Variants in ZNF365 observed in about 807,000 individuals in gnomAD.
The protein encoded by ZNF365 is protein ZNF365.
In ZNF365, 22 loss-of-function variants were observed where a neutral mutation model predicts 35.0. That is an observed-to-expected ratio of 0.63 (90% CI 0.45 to 0.90). The LOEUF (loss-of-function observed/expected upper bound fraction) is 0.90. Among genes scored for constraint, ZNF365 ranks in the 40% least tolerant of loss-of-function variants. The pLI, the probability that ZNF365 is intolerant of heterozygous loss-of-function variation, is 0.00. For synonymous variants in ZNF365, 188 were observed against 196.2 expected (o/e 0.96, Z 0.35); for missense variants, 448 against 500.3 (o/e 0.90, Z 1.00).
chr10:62,414,574 G>A (rs1364078320), intron 3 of ZNF365, among the ~76,000 whole-genome samples: 2 of 152,004 alleles, frequency 1.3e-5, no homozygotes, highest in African/African-American at 2.4e-5. Flanking sequence ...TGTACTACCT[G>A]GTGGATCATC....
intron 3 of ZNF365, among the ~76,000 whole-genome samples, chr10:62,394,445 G>T (rs10821990): frequency 0.6 from 91,887 of 152,056 alleles, 30,121 homozygotes; most frequent in East Asian, 0.86. Context: ...TAGTCCTGAT[G>T]TAGCAACCTG....
chr10:62,426,215 G>A (rs1840248622), intron 3 of ZNF365, among the ~76,000 whole-genome samples: 1 of 151,958 alleles, frequency 6.6e-6, no homozygotes, highest in Admixed American at 6.6e-5. Context: ...TCATCTGGAT[G>A]ACTGAAATAA....
At chr10:62,468,189 C>T (rs1421184382) in intron 4 of ZNF365, among the ~76,000 whole-genome samples, 2 of 151,890 alleles carry the variant, frequency 1.3e-5, no homozygotes, top group Admixed American at 6.6e-5. Flanking sequence ...TAAAAAAGCA[C>T]AAAGAAAAAA....
downstream of ZNF365, among the ~76,000 whole-genome samples, chr10:62,406,110 C>G (rs1401674600): frequency 1.3e-5 from 2 of 152,116 alleles, no homozygotes; most frequent in Non-Finnish European, 2.9e-5. Context: ...ATTGAATTTG[C>G]CCCGCATGCC....
intron 3 of ZNF365, among the ~76,000 whole-genome samples, chr10:62,445,594 A>C (rs1275122974): frequency 6.6e-6 from 1 of 152,194 alleles, no homozygotes; most frequent in Non-Finnish European, 1.5e-5. Context: ...GCACTTTTCT[A>C]GAGTGAGGTT....
chr10:62,404,110 G>C (rs1167381717), downstream of ZNF365, among the ~76,000 whole-genome samples: 7 of 134,634 alleles, frequency 5.2e-5, no homozygotes. Flanking sequence ...TGGATCTTCA[G>C]CTATTATTCC....
chr10:62,440,172 T>TTTTATTTATTTATTTATTTATTTA (rs148188582), intron 3 of ZNF365, among the ~76,000 whole-genome samples: 51 of 150,742 alleles, frequency 3.4e-4, no homozygotes, highest in African/African-American at 1.0e-3. Context: ...GAATGCATAG[T>TTTTATTTATTTATTTATTTATTTA]TTTATTTATT....
intron 3 of ZNF365, among the ~76,000 whole-genome samples, chr10:62,420,621 C>A (rs540491218): frequency 6.6e-6 from 1 of 152,188 alleles, no homozygotes; most frequent in Admixed American, 6.5e-5. Context: ...CCTCTAAGTT[C>A]TTGGCCTGGA....
chr10:62,405,370 AG>A (rs935672895), downstream of ZNF365, among the ~76,000 whole-genome samples: 2 of 152,102 alleles, frequency 1.3e-5, no homozygotes. Flanking sequence ...TTGCAATGAG[AG>A]GGGGGCTTAT....
rs1009142913 is a variant in ZNF365, at chr10:62,401,705, G to A, written c.*1916G>A. On this transcript the variant is annotated 3_prime_UTR_variant, in exon 5 of 5. Coordinates refer to ENST00000395254, the MANE Select transcript of ZNF365 (RefSeq NM_014951.3). ...ATACTAAAAACATGACTTGTTAGTT[G>A]TATTGCATGCTCTTTGTCCTGTAAT... 10 of 985,458 alleles carry A rather than the reference G, an allele frequency of 1.0e-5. No homozygotes were observed. The highest frequency in any genetic ancestry group is 1.2e-5 in the Non-Finnish European group (10 of 829,900). The allele number at this position is 985,458 out of a possible 1,614,324, so 61.0% of individuals were successfully genotyped here.
Position 62,376,613 on chromosome 10 carries a change from T to C in ZNF365, c.420T>C (p.Asp140=), listed in dbSNP as rs1241019427. 1.2e-6 allele frequency: 2 copies of C among 1,614,168 alleles called. No individual in the cohort carries two copies. The highest frequency in any genetic ancestry group is 1.7e-6 in the Non-Finnish European group (2 of 1,180,034). ...TGGACCTCCATGCAGACTCGCTGGATGGGACACGGTCGGGTCCTGGACTGC... is the reference window on the plus strand; with the variant it reads ...TGGACCTCCATGCAGACTCGCTGGACGGGACACGGTCGGGTCCTGGACTGC... ...TAMDLHADSL[D]GTRSGPGLPT... The change falls in exon 2 of 5, where the codon GAT becomes GAC. Residue 140 remains aspartate, a synonymous_variant. Coordinates refer to ENST00000395254, the MANE Select transcript of ZNF365 (RefSeq NM_014951.3).
In ZNF365 at chr10:62,401,332, C is replaced by A; in HGVS notation, c.*1543C>A. 1.0e-6 allele frequency: 1 copy of A among 985,394 alleles called. No individual in the cohort carries two copies. Among genetic ancestry groups the A allele is most frequent in the South Asian group, 4.7e-5 (1 of 21,276 alleles). 61.0% of individuals were successfully genotyped at this position (985,394 alleles called of 1,614,324 possible). On this transcript the variant is annotated 3_prime_UTR_variant, in exon 5 of 5. Transcript: ENST00000395254. ...ATTGGCAGAATTATGATTGTTACTGCAATAAGCATCAAATTAGCAGCGCAT... is the reference window on the plus strand; with the variant it reads ...ATTGGCAGAATTATGATTGTTACTGAAATAAGCATCAAATTAGCAGCGCAT...
rs1029622905 is a variant in ZNF365 at position 62,401,156 on chromosome 10, C to A, written c.*1367C>A. The A allele has an allele frequency of 1.8e-5, 17 of 952,154 alleles. No homozygotes were observed. The highest frequency in any genetic ancestry group is 2.1e-5 in the Non-Finnish European group (17 of 799,932). 59.0% of individuals were successfully genotyped at this position (952,154 alleles called of 1,614,324 possible). A position where few individuals can be genotyped will look rare whatever the true frequency, so the allele number is the denominator to read the frequency against. On this transcript the variant is annotated 3_prime_UTR_variant, in exon 5 of 5. Coordinates refer to ENST00000395254, the MANE Select transcript of ZNF365 (RefSeq NM_014951.3). ...CATATATACATATATATAACACATA[C>A]AAAATATATATGTTAAGTATATTAA...
intron 3 of ZNF365, among the ~76,000 whole-genome samples, chr10:62,419,205 A>G (rs1840127587): frequency 6.6e-6 from 1 of 152,070 alleles, no homozygotes; most frequent in Non-Finnish European, 1.5e-5. Flanking sequence ...GTTACTCTTA[A>G]AGATGGTACT....
chr10:62,455,735 T>TA (rs1294155947), intron 3 of ZNF365, among the ~76,000 whole-genome samples: 1 of 152,100 alleles, frequency 6.6e-6, no homozygotes, highest in African/African-American at 2.4e-5. Flanking sequence ...TATAAGAACT[T>TA]ACATATATTT....
At chr10:62,417,517 T>C (rs936695671) in intron 3 of ZNF365, among the ~76,000 whole-genome samples, 11 of 152,088 alleles carry the variant, frequency 7.2e-5, no homozygotes, top group Admixed American at 5.2e-4. Flanking sequence ...TCAGCTCATC[T>C]AAATAAAACC....
chr10:62,426,561 C>T (rs1054094394), intron 3 of ZNF365, among the ~76,000 whole-genome samples: 3 of 152,098 alleles, frequency 2.0e-5, no homozygotes, highest in Non-Finnish European at 4.4e-5. Context: ...AAATAGGAGG[C>T]ATGCTACATC....
chr10:62,447,267 C>T (rs1162884309), intron 3 of ZNF365, among the ~76,000 whole-genome samples: 3 of 152,282 alleles, frequency 2.0e-5, no homozygotes, highest in African/African-American at 7.2e-5. Context: ...CTCCCCTTTA[C>T]ATACAAGCTA....
intron 3 of ZNF365, among the ~76,000 whole-genome samples, chr10:62,425,675 A>G (rs1484285036): frequency 1.3e-5 from 2 of 152,138 alleles, no homozygotes; most frequent in Non-Finnish European, 2.9e-5. Context: ...CTTTCTCAGG[A>G]GGCCTTCCCT....
Sources: gnomAD v4.1 joint callset for allele counts (sites outside exome capture counted in the v4.1 genomes callset) on GRCh38, gnomAD v4.1.1 for gene constraint, MANE v1.5 for transcripts, NCBI Gene and HGNC (gene_info 2026-07-23, HGNC 2026-07-21) for gene names.